The following AGBL4 variants were observed in gnomAD, a reference collection of about 807,000 sequenced individuals.
AGBL4 encodes the protein AGBL carboxypeptidase 4.
AGBL4 carries 58 observed loss-of-function variants against 66.4 expected under a neutral mutation model. The observed-to-expected ratio is 0.87, with a 90% confidence interval of 0.71 to 1.09. The LOEUF (loss-of-function observed/expected upper bound fraction) is 1.09. Among genes scored for constraint, AGBL4 ranks in the 50% least tolerant of loss-of-function variants. AGBL4 has a pLI of 0.00. For missense variants in AGBL4, 579 were observed against 631.0 expected, an observed-to-expected ratio of 0.92 and a Z score of 0.88; for synonymous variants, 234 against 222.9, an observed-to-expected ratio of 1.05 and a Z score of -0.44.
chr1:49,554,578 G>A (rs1489751528), intron 3 of AGBL4, among the ~76,000 whole-genome samples: 1 of 152,174 alleles, frequency 6.6e-6, no homozygotes, highest in Non-Finnish European at 1.5e-5. Flanking sequence ...GTATTTTTAA[G>A]AAAACATGCT....
rs755159747 is a variant in AGBL4, at chr1:48,742,660, G to A, written c.635-79419C>T. ...TAGGATATACTTGTCCATGACAGGC[G>A]CAGGAGCGGGGTAATAGGACGACGT... On this transcript the variant is annotated intron_variant, in intron 6 of 13. Transcript: ENST00000371839. The A allele has an allele frequency of 4.6e-5, 74 of 1,607,548 alleles. No individual in the cohort carries two copies. Among genetic ancestry groups the A allele is most frequent in the Non-Finnish European group, 2.4e-5 (28 of 1,176,616 alleles).
intron 6 of AGBL4, among the ~76,000 whole-genome samples, chr1:48,697,200 T>C (rs1646725312): frequency 6.6e-6 from 1 of 152,184 alleles, no homozygotes; most frequent in African/African-American, 2.4e-5. Flanking sequence ...CCAGGGAGCT[T>C]ACCACGGCCC....
chr1:50,001,623 A>C (rs914092347), intron 1 of AGBL4, among the ~76,000 whole-genome samples: 3 of 152,128 alleles, frequency 2.0e-5, no homozygotes, highest in Non-Finnish European at 4.4e-5. Flanking sequence ...ACTAAAAATA[A>C]GAAATTAAGG....
At chr1:49,008,276 A>G (rs1238299075) in intron 5 of AGBL4, among the ~76,000 whole-genome samples, 1 of 152,050 alleles carries the variant, frequency 6.6e-6, no homozygotes, top group African/African-American at 2.4e-5. Flanking sequence ...AAAAGAGACA[A>G]AGAAGGCCAC....
chr1:49,667,971 T>C (rs886917683), intron 3 of AGBL4, among the ~76,000 whole-genome samples: 2 of 152,164 alleles, frequency 1.3e-5, no homozygotes, highest in African/African-American at 4.8e-5. Flanking sequence ...GGAAAAAATA[T>C]TGGTAATTAA....
At chr1:48,863,112 A>T (rs577921954) in intron 6 of AGBL4, among the ~76,000 whole-genome samples, 2 of 152,348 alleles carry the variant, frequency 1.3e-5, no homozygotes, top group East Asian at 3.9e-4. Context: ...TAGTCTAAAC[A>T]AGAATAACTA....
chr1:48,828,877 A>G (rs1365587355), intron 6 of AGBL4, among the ~76,000 whole-genome samples: 1 of 152,172 alleles, frequency 6.6e-6, no homozygotes, highest in East Asian at 1.9e-4. Flanking sequence ...AAAAAAGTAG[A>G]TCATTTGCAA....
intron 5 of AGBL4, among the ~76,000 whole-genome samples, chr1:48,886,048 C>T (rs948952200): frequency 6.6e-6 from 1 of 152,194 alleles, no homozygotes; most frequent in African/African-American, 2.4e-5. Flanking sequence ...CACTCTGCCA[C>T]TTCCATCTTG....
intron 3 of AGBL4, among the ~76,000 whole-genome samples, chr1:49,365,322 C>T (rs977187231): frequency 1.3e-5 from 2 of 151,908 alleles, no homozygotes; most frequent in Non-Finnish European, 1.5e-5. Context: ...AACTTCTAGG[C>T]CTCATCTGAA....
Position 49,561,329 on chromosome 1 carries a change from C to G in AGBL4, c.282+135984G>C, listed in dbSNP as rs372332825. Among the ~76,000 whole-genome samples, 3 of 150,890 alleles carry G rather than the reference C, an allele frequency of 2.0e-5. No individual in the cohort carries two copies. In the East Asian group the frequency reaches 5.8e-4, roughly 29 times the overall value. ...TACTTTAACCTTTATTATACATGTA[C>G]CCTAAAGTTTTAGGGTACATGTGCA... is the stretch of plus-strand genomic sequence containing the variant. On this transcript the variant is annotated intron_variant, in intron 3 of 13. Transcript: ENST00000371839.
chr1:49,743,601 C>A (rs920270221), intron 2 of AGBL4, among the ~76,000 whole-genome samples: 4 of 152,028 alleles, frequency 2.6e-5, no homozygotes. Context: ...GACACATGCG[C>A]ACGTATGTTT....
At chr1:49,152,032 C>T (rs1324999986) in intron 4 of AGBL4, among the ~76,000 whole-genome samples, 1 of 151,876 alleles carries the variant, frequency 6.6e-6, no homozygotes, top group Non-Finnish European at 1.5e-5. Context: ...TTATTGACCA[C>T]TTGCTATACA....
At chr1:49,721,572 G>A (rs529346892) in intron 2 of AGBL4, among the ~76,000 whole-genome samples, 1 of 152,194 alleles carries the variant, frequency 6.6e-6, no homozygotes, top group South Asian at 2.1e-4. Context: ...GCCATTGGAG[G>A]CTTTTAAGTG....
chr1:49,673,700 T>TA (rs1349445618), intron 3 of AGBL4, among the ~76,000 whole-genome samples: 4 of 152,106 alleles, frequency 2.6e-5, no homozygotes, highest in Admixed American at 1.3e-4. Flanking sequence ...ACAGAGCACT[T>TA]AGTTTGTCTA....
chr1:49,232,436 A>G (rs575956803), intron 4 of AGBL4, among the ~76,000 whole-genome samples: 103 of 152,100 alleles, frequency 6.8e-4, no homozygotes, highest in South Asian at 1.7e-3. Flanking sequence ...CGGTGGCTCA[A>G]GCCTGTAATC....
chr1:48,608,654 A>G (rs2148376209), intron 9 of AGBL4, among the ~76,000 whole-genome samples: 1 of 152,282 alleles, frequency 6.6e-6, no homozygotes, highest in South Asian at 2.1e-4. Context: ...TTAGAAACAC[A>G]TAACAGAGTT....
chr1:48,694,182 C>T (rs190754238), intron 6 of AGBL4, among the ~76,000 whole-genome samples: 83 of 151,678 alleles, frequency 5.5e-4, no homozygotes, highest in Admixed American at 1.3e-3. Context: ...GGTGCACAAA[C>T]GAGCGTACCT....
At chr1:49,915,431 G>A (rs1651329118) in intron 1 of AGBL4, among the ~76,000 whole-genome samples, 1 of 152,214 alleles carries the variant, frequency 6.6e-6, no homozygotes, top group Admixed American at 6.5e-5. Context: ...CACACCAAGA[G>A]ATTATATCCC....
intron 6 of AGBL4, among the ~76,000 whole-genome samples, chr1:48,772,999 C>G (rs1396032373): frequency 6.6e-6 from 1 of 152,116 alleles, no homozygotes; most frequent in Admixed American, 6.5e-5. Flanking sequence ...TCCTACATAG[C>G]AGGACATGAA....
Sources: gnomAD v4.1 joint callset for allele counts (sites outside exome capture counted in the v4.1 genomes callset) on GRCh38, gnomAD v4.1.1 for gene constraint, MANE v1.5 for transcripts, NCBI Gene and HGNC (gene_info 2026-07-23, HGNC 2026-07-21) for gene names.